The following TRDN variants were observed in gnomAD, a reference collection of about 807,000 sequenced individuals.
TRDN encodes triadin.
TRDN carries 161 observed loss-of-function variants against 149.7 expected under a neutral mutation model. That is an observed-to-expected ratio of 1.08 (90% CI 0.95 to 1.23). TRDN has a LOEUF of 1.23. Ranked by LOEUF, TRDN falls within the 50% of genes most tolerant of loss-of-function variation. TRDN has a pLI of 0.00. For missense variants in TRDN, 896 were observed against 823.5 expected (o/e 1.09, Z -1.08); for synonymous variants, 294 against 250.5 (o/e 1.17, Z -1.64).
chr6:123,398,960 A>G (rs1433499715), intron 12 of TRDN, among the ~76,000 whole-genome samples: 1 of 152,172 alleles, frequency 6.6e-6, no homozygotes, highest in Non-Finnish European at 1.5e-5. Flanking sequence ...CCCCCAGAAA[A>G]TCTTCACCTC....
At chr6:123,289,868 T>A (rs1043532261) in intron 24 of TRDN, among the ~76,000 whole-genome samples, 2 of 152,098 alleles carry the variant, frequency 1.3e-5, no homozygotes, top group African/African-American at 4.8e-5. Flanking sequence ...GTGCCTGCTA[T>A]GAGCAAGAGG....
chr6:123,406,102 A>G (rs1773180857), intron 12 of TRDN, among the ~76,000 whole-genome samples: 1 of 152,214 alleles, frequency 6.6e-6, no homozygotes, highest in Non-Finnish European at 1.5e-5. Flanking sequence ...GCACAAATGC[A>G]CAGATTAAAA....
intron 14 of TRDN, among the ~76,000 whole-genome samples, chr6:123,386,042 G>T (rs921653670): frequency 6.6e-6 from 1 of 152,046 alleles, no homozygotes; most frequent in Non-Finnish European, 1.5e-5. Context: ...TTACTGGTGC[G>T]TGCATAGAAT....
chr6:123,389,484 T>A (rs1782028362), intron 13 of TRDN: 2 of 152,158 alleles, frequency 1.3e-5, no homozygotes, highest in African/African-American at 2.4e-5. Context: ...AGGTACATCC[T>A]CTTATTGGGT....
At chr6:123,291,406 A>T (rs1380345075) in intron 24 of TRDN, among the ~76,000 whole-genome samples, 3 of 152,024 alleles carry the variant, frequency 2.0e-5, no homozygotes, top group Admixed American at 1.3e-4. Flanking sequence ...CTACTAAAAA[A>T]TACAAAAAAT....
intron 1 of TRDN, among the ~76,000 whole-genome samples, chr6:123,610,027 T>A (rs935015291): frequency 6.6e-6 from 1 of 152,146 alleles, no homozygotes; most frequent in Non-Finnish European, 1.5e-5. Context: ...AACTGGAGAA[T>A]AATTTTATAT....
At chr6:123,446,058 A>G (rs920913047) in intron 10 of TRDN, among the ~76,000 whole-genome samples, 6 of 151,626 alleles carry the variant, frequency 4.0e-5, no homozygotes, top group South Asian at 2.1e-4. Flanking sequence ...ATGAAGCCAT[A>G]AAAAATGATG....
intron 12 of TRDN, among the ~76,000 whole-genome samples, chr6:123,429,487 A>C (rs1774249427): frequency 6.6e-6 from 1 of 152,166 alleles, no homozygotes; most frequent in Non-Finnish European, 1.5e-5. Context: ...CTTGCACTGA[A>C]AGGAAAATCT....
intron 1 of TRDN, among the ~76,000 whole-genome samples, chr6:123,601,850 A>G (rs1186755869): frequency 6.6e-6 from 1 of 152,134 alleles, no homozygotes; most frequent in East Asian, 1.9e-4. Context: ...CATACATCAT[A>G]TCAACTGATC....
At chr6:123,621,309 C>T (rs973337145) in intron 1 of TRDN, among the ~76,000 whole-genome samples, 4 of 152,028 alleles carry the variant, frequency 2.6e-5, no homozygotes, top group East Asian at 1.9e-4. Context: ...AAAAACAGGA[C>T]GTTTCTAGGA....
chr6:123,231,140 C>T (rs1178891106), intron 38 of TRDN, among the ~76,000 whole-genome samples: 2 of 152,026 alleles, frequency 1.3e-5, no homozygotes, highest in Non-Finnish European at 2.9e-5. Context: ...ACTATTCTAT[C>T]TTTACTTGCA....
intron 23 of TRDN, among the ~76,000 whole-genome samples, chr6:123,323,001 T>C (rs1394008638): frequency 6.6e-6 from 1 of 152,088 alleles, no homozygotes; most frequent in Non-Finnish European, 1.5e-5. Context: ...CTTTTCATCT[T>C]TGGAGCCTCA....
At chr6:123,540,048 C>T (rs1332565847) in intron 4 of TRDN, among the ~76,000 whole-genome samples, 1 of 152,188 alleles carries the variant, frequency 6.6e-6, no homozygotes, top group East Asian at 1.9e-4. Context: ...GGCATTCCTG[C>T]TAGAATCCAG....
In TRDN at chr6:123,400,417, A is replaced by G. The variant is rs112789046; in HGVS notation, c.1052-6740T>C. 5.6e-4 allele frequency among the ~76,000 whole-genome samples: 85 copies of G among 152,072 alleles called. 1 individual carries two copies. Among genetic ancestry groups the G allele is most frequent in the African/African-American group, 1.9e-3 (78 of 41,482 alleles). ...GGTAATGGGGGATGGTTTTGAGATG[A>G]AACTGTTTCACCTCAGATCGTCAGG... On this transcript the variant is annotated intron_variant, in intron 12 of 40. Transcript: ENST00000334268.
At position 123,221,478 on chromosome 6, in the gene TRDN, T is replaced by C. The variant is rs778722280; in HGVS notation, c.2050+9A>G. ...TGATTTATTACTTTTAATCTCATTA[T>C]AAACTTACTTTTCTGCTTTGTGGGA... On this transcript the variant is annotated intron_variant, in intron 40 of 40. Coordinates refer to ENST00000334268, the MANE Select transcript of TRDN (RefSeq NM_006073.4). 54 of 1,547,082 alleles carry C rather than the reference T, an allele frequency of 3.5e-5. No individual in the cohort carries two copies. Among genetic ancestry groups the C allele is most frequent in the Non-Finnish European group, 4.2e-5 (47 of 1,127,250 alleles).
At chr6:123,539,440 C>T (rs559841634) in intron 4 of TRDN, among the ~76,000 whole-genome samples, 1 of 152,198 alleles carries the variant, frequency 6.6e-6, no homozygotes, top group South Asian at 2.1e-4. Context: ...ATCATAGAAT[C>T]GTAAAATATC....
intron 24 of TRDN, among the ~76,000 whole-genome samples, chr6:123,308,924 T>G (rs566114935): frequency 6.6e-6 from 1 of 152,182 alleles, no homozygotes; most frequent in South Asian, 2.1e-4. Context: ...ACTTAAAAAA[T>G]CATTTACTGA....
chr6:123,248,615 G>GA (rs562173204), intron 38 of TRDN, among the ~76,000 whole-genome samples: 4 of 151,866 alleles, frequency 2.6e-5, no homozygotes, highest in African/African-American at 7.2e-5. Flanking sequence ...TAATTAACTG[G>GA]AAAAAATATT....
rs1775001186 is a variant in TRDN at position 123,217,466 on chromosome 6, T to C, written c.*1135A>G. On this transcript the variant is annotated 3_prime_UTR_variant, in exon 41 of 41. Coordinates refer to ENST00000334268, the MANE Select transcript of TRDN (RefSeq NM_006073.4). ...ACAGAGGCATGACTTTTAGAGTTGA[T>C]AAAAACAATGTAGTAAAGAACACGA... 6.6e-6 allele frequency: 1 copy of C among 151,930 alleles called. No homozygotes were observed. Among genetic ancestry groups the C allele is most frequent in the Admixed American group, 6.6e-5 (1 of 15,206 alleles). 9.4% of individuals were successfully genotyped at this position (151,930 alleles called of 1,614,324 possible). A position where few individuals can be genotyped will look rare whatever the true frequency, so the allele number is the denominator to read the frequency against.
Sources: gnomAD v4.1 joint callset for allele counts (sites outside exome capture counted in the v4.1 genomes callset) on GRCh38, gnomAD v4.1.1 for gene constraint, MANE v1.5 for transcripts, NCBI Gene and HGNC (gene_info 2026-07-23, HGNC 2026-07-21) for gene names.